NACA: variants seen among roughly 807,000 people sequenced by gnomAD.
NACA encodes nascent polypeptide-associated complex subunit alpha.
A neutral mutation model predicts 86.4 loss-of-function variants in NACA; 42 were observed. The observed-to-expected ratio is 0.49, with a 90% CI of 0.38 to 0.63. The LOEUF (loss-of-function observed/expected upper bound fraction) is 0.63, where lower values mean the gene tolerates loss of function less well. NACA is among the 20% of genes least tolerant of loss of function. The pLI is 0.00. For missense variants in NACA, 2,157 were observed against 2,483.6 expected, an observed-to-expected ratio of 0.87 and a Z score of 2.80; for synonymous variants, 898 against 973.7, an observed-to-expected ratio of 0.92 and a Z score of 1.45.
chr12:56,713,399 C>T (rs1220529307), intron 6 of NACA, 138 bp downstream of exon 6: 1 of 1,288,126 alleles, frequency 7.8e-7, no homozygotes, highest in Non-Finnish European at 1.1e-6. Flanking sequence ...AGATATATGG[C>T]AATGGAGTTT....
chr12:56,714,714 T>C (rs1424937094), intron 3 of NACA, 27 bp from the exon 4 acceptor site: 2 of 1,600,608 alleles, frequency 1.2e-6, no homozygotes, highest in Non-Finnish European at 1.7e-6. Flanking sequence ...CTTTTACTGC[T>C]TTATAGTAGA....
chr12:56,714,492 C>G, intron 4 of NACA, 53 bp from the exon 5 acceptor site: 1 of 1,605,606 alleles, frequency 6.2e-7, no homozygotes, highest in Non-Finnish European at 8.5e-7. Flanking sequence ...CTGGATAGCA[C>G]AATCTCCTTG....
In NACA at chr12:56,720,416, C is replaced by G; in HGVS notation, c.1114G>C (p.Ala372Pro). The change falls in exon 3 of 9, where the codon GCT (alanine) becomes CCT (proline). Residue 372 changes from alanine to proline, a missense_variant. By Grantham distance (27) the Ala-to-Pro change is conservative (BLOSUM62 -1). Coordinates refer to ENST00000454682, the MANE Select transcript of NACA (RefSeq NM_001365896.1). ...SRNEVVPATV[A>P]AFPVVAPSVD... is the part of the protein sequence containing the mutation. ...GATGGAGCCACCACTGGAAAGGCAG[C>G]CACAGTAGCAGGAACTACCTCATTT... 1.2e-6 allele frequency: 2 copies of G among 1,613,730 alleles called. No homozygotes were observed. Among genetic ancestry groups the G allele is most frequent in the Non-Finnish European group, 1.7e-6 (2 of 1,179,796 alleles).
chr12:56,720,435 C>G lies in NACA; in HGVS notation c.1095G>C (p.Glu365Asp). 1 of 1,613,770 alleles carries G rather than the reference C, an allele frequency of 6.2e-7. No homozygotes were observed. Among genetic ancestry groups the G allele is most frequent in the Non-Finnish European group, 8.5e-7 (1 of 1,179,778 alleles). Residue 365 changes from glutamate to aspartate, a missense_variant, in exon 3 of 9, where the codon GAG (glutamate) becomes GAC (aspartate). Transcript: ENST00000454682. Reference protein sequence around the residue: ...SVIPPLPSRNEVVPATVAAFP... With the variant: ...SVIPPLPSRNDVVPATVAAFP... ...AGGCAGCCACAGTAGCAGGAACTACCTCATTTCTGGAAGGAAGGGGAGGAA... is the reference window on the plus strand; with the variant it reads ...AGGCAGCCACAGTAGCAGGAACTACGTCATTTCTGGAAGGAAGGGGAGGAA...
Position 56,718,919 on chromosome 12 carries a change from T to C in NACA, c.2611A>G (p.Thr871Ala). 2 of 1,436,464 alleles carry C rather than the reference T, an allele frequency of 1.4e-6. No homozygotes were observed. Among genetic ancestry groups the C allele is most frequent in the Non-Finnish European group, 1.9e-6 (2 of 1,066,470 alleles). 89.0% of individuals were successfully genotyped at this position (1,436,464 alleles called of 1,614,324 possible). The stretch of plus-strand genomic sequence containing the variant: ...GTTACTCCTTTGGGAGACAGAGGAG[T>C]CACAGCTGAGGGAGTAGGGGCCCCT... ...PKGAPTPSAV[T>A]PLSPKGVTLP... Residue 871 changes from threonine (T) to alanine (A), a missense_variant, in exon 3 of 9, where the codon ACT (threonine) becomes GCT (alanine). Thr to Ala is a moderately conservative substitution (Grantham distance 58). Transcript: ENST00000454682.
chr12:56,719,733 G>A lies in NACA; in HGVS notation c.1797C>T (p.Leu599=). 6.2e-7 allele frequency: 1 copy of A among 1,613,970 alleles called. No individual in the cohort carries two copies. The highest frequency in any genetic ancestry group is 8.5e-7 in the Non-Finnish European group (1 of 1,179,886). The change falls in exon 3 of 9, where the codon CTC becomes CTT. Residue 599 remains leucine (L), a synonymous_variant. Transcript: ENST00000454682. Reference sequence around the variant, plus strand: ...TACTGCTGGCTGGCTTACCTATAGGGAGAGGCTCCCCAAGGCTTTTCTTTG... The same window carrying A: ...TACTGCTGGCTGGCTTACCTATAGGAAGAGGCTCCCCAAGGCTTTTCTTTG... The part of the protein sequence containing the change: ...TLAKKSLGEP[L]PIGKPASSMT...
At position 56,712,906 on chromosome 12, in the gene NACA, G is replaced by A. The variant is rs534417377; in HGVS notation, c.6102C>T (p.Val2034=). 8 of 1,614,102 alleles carry A rather than the reference G, an allele frequency of 5.0e-6. No homozygotes were observed. The African/African-American group carries it at 5.3e-5, about 11-fold the overall frequency. ...CCTTAACTTCTACACCTGTTTCATC[G>A]ACCTGAGAGATGAGAGGGAAAAAGC... ...TVQEESEEEE[V]DETGVEVKDI... is the part of the protein sequence containing the mutation. Residue 2034 remains valine, a splice_region_variant and synonymous_variant, in exon 8 of 9, where the codon GTC becomes GTT. Transcript: ENST00000454682.
chr12:56,720,612 G>A lies in NACA; in HGVS notation c.918C>T (p.Gly306=). ...TCTGATGTAAAGGTGCAAGATGAGA[G>A]CCCAGAGAAATGGGAAAATCTGGGG... ...NTPPDFPISL[G]SHLAPLHQSS... The change falls in exon 3 of 9, where the codon GGC becomes GGT. Residue 306 remains glycine, a synonymous_variant. Transcript: ENST00000454682. 6.2e-7 allele frequency: 1 copy of A among 1,613,998 alleles called. No homozygotes were observed. Among genetic ancestry groups the A allele is most frequent in the South Asian group, 1.1e-5 (1 of 91,086 alleles).
At position 56,717,668 on chromosome 12, in the gene NACA, T is replaced by C. The variant is rs765031753; in HGVS notation, c.3862A>G (p.Asn1288Asp). Residue 1288 changes from asparagine to aspartate, a missense_variant, in exon 3 of 9, where the codon AAT (asparagine) becomes GAT (aspartate). Asn to Asp is a conservative substitution (Grantham distance 23). This residue lies in a region of NACA where 797 missense variants were observed against 777.6 expected (regional missense o/e 1.02). Coordinates refer to ENST00000454682, the MANE Select transcript of NACA (RefSeq NM_001365896.1). Reference sequence around the variant, plus strand: ...GAGGGAGGAGTTACAACTGCGGGATTGGGGGCCCCTTTGTGGGGTGGGGTA... The same window carrying C: ...GAGGGAGGAGTTACAACTGCGGGATCGGGGGCCCCTTTGTGGGGTGGGGTA... ...LATPPHKGAPNPAVVTPPSPK... is the reference protein window; with the variant it reads ...LATPPHKGAPDPAVVTPPSPK... 1 of 1,147,078 alleles carries C rather than the reference T, an allele frequency of 8.7e-7. No individual in the cohort carries two copies. Among genetic ancestry groups the C allele is most frequent in the South Asian group, 2.7e-5 (1 of 37,284 alleles). The allele number at this position is 1,147,078 out of a possible 1,614,324, so 71.1% of individuals were successfully genotyped here.
Position 56,719,679 on chromosome 12 carries a change from C to T in NACA, c.1851G>A (p.Ser617=), listed in dbSNP as rs750030420. ...SMTSPLGVNS[S]ASVIKTDSYA... is the part of the protein sequence containing the mutation. ...AAGAATCTGTCTTGATTACAGAGGC[C>T]GAGGAGTTAACACCCAGAGGGGAGG... Residue 617 remains serine (S), a synonymous_variant, in exon 3 of 9, where the codon TCG becomes TCA. Transcript: ENST00000454682. The T allele has an allele frequency of 9.9e-6, 16 of 1,613,610 alleles. No individual in the cohort carries two copies. Among genetic ancestry groups the T allele is most frequent in the East Asian group, 4.5e-5 (2 of 44,892 alleles).
rs755261178 is a variant in NACA, at chr12:56,716,120, G to A, written c.5410C>T (p.Pro1804Ser). The change falls in exon 3 of 9, where the codon CCC (proline) becomes TCC (serine). Residue 1804 changes from proline (P) to serine (S), a missense_variant. Pro to Ser is a moderately conservative substitution (Grantham distance 74). Around this residue, in one of 8 missense-constraint regions of NACA, gnomAD observed 797 missense variants for 777.6 expected, o/e 1.02. Transcript: ENST00000454682. ...GGAGGCAGAGTGGGAACTGGGGAGG[G>A]AGCAAGAGGCAGAGAGACTGGTGGG... Reference protein sequence around the residue: ...PSPPVSLPLAPSPVPTLPPKQ... With the variant: ...PSPPVSLPLASSPVPTLPPKQ... 4 of 1,613,342 alleles carry A rather than the reference G, an allele frequency of 2.5e-6. No individual in the cohort carries two copies. In the African/African-American group the frequency reaches 4.0e-5, roughly 16 times the overall value.
Position 56,720,499 on chromosome 12 carries a change from G to A in NACA, c.1031C>T (p.Ser344Phe), listed in dbSNP as rs1211114130. ...AGAAGGATAAGAGGCCCCTGTGGAA[G>A]AATGATCTACAGAAATGGTCTTCAC... ...PTVKTISVDHSSTGASYPSQR... is the reference protein window; with the variant it reads ...PTVKTISVDHFSTGASYPSQR... Residue 344 changes from serine to phenylalanine, a missense_variant, in exon 3 of 9, where the codon TCT becomes TTT. Physicochemically the swap from Ser to Phe is radical, Grantham distance 155. This residue lies in a region of NACA where 947 missense variants were observed against 917.9 expected (regional missense o/e 1.03). Transcript: ENST00000454682. 2.5e-5 allele frequency: 40 copies of A among 1,613,702 alleles called. No individual in the cohort carries two copies. The highest frequency in any genetic ancestry group is 3.1e-5 in the Non-Finnish European group (36 of 1,179,786).
intron 3 of NACA, chr12:56,714,898 C>G (rs1474567210): frequency 1.8e-6 from 1 of 570,396 alleles, no homozygotes; most frequent in Non-Finnish European, 3.1e-6. Context: ...AGCCCTAACC[C>G]CAGAAATGAG....
At chr12:56,715,780 C>T (rs930184633) in intron 3 of NACA, 91 bp downstream of exon 3, 8 of 1,119,656 alleles carry the variant, frequency 7.1e-6, no homozygotes, top group African/African-American at 3.1e-5. Context: ...CTGGAGAAAG[C>T]GGCGCATCAC....
chr12:56,713,424 CTG>C (rs1346765552), intron 6 of NACA, 111 bp downstream of exon 6: 3 of 1,418,776 alleles, frequency 2.1e-6, no homozygotes, highest in Non-Finnish European at 2.9e-6. Flanking sequence ...GTAATCAAAA[CTG>C]GATGTAATGG....
At chr12:56,714,711 T>A in intron 3 of NACA, 24 bp from the exon 4 acceptor site, 1 of 1,603,124 alleles carries the variant, frequency 6.2e-7, no homozygotes, top group Non-Finnish European at 8.5e-7. Context: ...CAACTTTTAC[T>A]GCTTTATAGT....
chr12:56,723,827 G>T, intron 2 of NACA, among the ~76,000 whole-genome samples: 1 of 152,072 alleles, frequency 6.6e-6, no homozygotes, highest in Non-Finnish European at 1.5e-5. Flanking sequence ...TTTAAAATTA[G>T]CCTTCACAGT....
At chr12:56,713,847 T>G (rs1953279669) in intron 5 of NACA, 164 bp from the exon 6 acceptor site, 1 of 721,728 alleles carries the variant, frequency 1.4e-6, no homozygotes, top group Non-Finnish European at 2.2e-6. Context: ...TGTTACTTTA[T>G]TTTTTATTTT....
rs1379108431 is a variant in NACA, at chr12:56,720,878, T to C, written c.652A>G (p.Thr218Ala). ...IVSTVPYHCVTPMASIQSGVA... is the reference protein window; with the variant it reads ...IVSTVPYHCVAPMASIQSGVA... The stretch of plus-strand genomic sequence containing the variant: ...CCAGATTGAATAGAGGCCATGGGAG[T>C]CACACAGTGGTAAGGAACAGTACTG... Residue 218 changes from threonine to alanine, a missense_variant, in exon 3 of 9, where the codon ACT becomes GCT. Coordinates refer to ENST00000454682, the MANE Select transcript of NACA (RefSeq NM_001365896.1). 6.2e-7 allele frequency: 1 copy of C among 1,613,642 alleles called. No homozygotes were observed. The highest frequency in any genetic ancestry group is 1.3e-5 in the African/African-American group (1 of 74,820).
Sources: gnomAD v4.1 joint callset for allele counts (sites outside exome capture counted in the v4.1 genomes callset) on GRCh38, gnomAD v4.1.1 for gene constraint, gnomAD v4.1.1 regional missense constraint, MANE v1.5 for transcripts, NCBI Gene and HGNC (gene_info 2026-07-23, HGNC 2026-07-21) for gene names.